Variants in HECTD4 observed in about 807,000 individuals in gnomAD.
The protein encoded by HECTD4 is probable E3 ubiquitin-protein ligase HECTD4.
HECTD4 carries 114 observed loss-of-function variants against 471.5 expected under a neutral mutation model. That is an observed-to-expected ratio of 0.24 (90% CI 0.21 to 0.28). The LOEUF (loss-of-function observed/expected upper bound fraction) is 0.28, where lower values mean the gene tolerates loss of function less well. Among genes scored for constraint, HECTD4 ranks in the 10% least tolerant of loss-of-function variants. The pLI is 1.00. For missense variants in HECTD4, 3,866 were observed against 5,651.5 expected (o/e 0.68, Z 10.13); for synonymous variants, 2,012 against 2,256.0 (o/e 0.89, Z 3.07).
At position 112,179,265 on chromosome 12, in the gene HECTD4, T is replaced by C; in HGVS notation, c.11120A>G (p.Gln3707Arg). 1 of 1,613,696 alleles carries C rather than the reference T, an allele frequency of 6.2e-7. No homozygotes were observed. The highest frequency in any genetic ancestry group is 8.5e-7 in the Non-Finnish European group (1 of 1,179,772). The change falls in exon 63 of 76, where the codon CAG becomes CGG. Residue 3707 changes from glutamine (Q) to arginine (R), a missense_variant. Physicochemically the swap from Gln to Arg is conservative, Grantham distance 43 (BLOSUM62 1). Around this residue, in one of 16 missense-constraint regions of HECTD4, gnomAD observed 715 missense variants for 1,087.6 expected, o/e 0.66. Transcript: ENST00000682272. This position sits in a 1 kb window ranked among gnomAD's most constrained non-coding sequence, Gnocchi z 4.3. Reference protein sequence around the residue: ...RVSDIYLSKEQINSQTPGNLL... With the variant: ...RVSDIYLSKERINSQTPGNLL... Reference sequence around the variant, plus strand: ...GTTGCCTGGGGTCTGGGAGTTGATCTGCTCTTTGCTAAGATAAATGTCAGA... The same window carrying C: ...GTTGCCTGGGGTCTGGGAGTTGATCCGCTCTTTGCTAAGATAAATGTCAGA...
chr12:112,261,488 T>C (rs1382332717), intron 17 of HECTD4, 59 bp from the exon 18 acceptor site: 2 of 1,458,646 alleles, frequency 1.4e-6, no homozygotes, highest in Admixed American at 1.8e-5. Context: ...ACGTTCACAA[T>C]GACAACATGA....
intron 8 of HECTD4, among the ~76,000 whole-genome samples, chr12:112,280,343 T>A (rs950321610): frequency 6.6e-6 from 1 of 152,150 alleles, no homozygotes; most frequent in African/African-American, 2.4e-5. Context: ...ATCTAGAAAG[T>A]GGAGTGAATT....
intron 1 of HECTD4, among the ~76,000 whole-genome samples, chr12:112,373,352 G>A (rs2036718679): frequency 6.6e-6 from 1 of 152,086 alleles, no homozygotes; most frequent in South Asian, 2.1e-4. Flanking sequence ...GGCCAACATG[G>A]TGAAACCCCG....
rs757618230 is a variant in HECTD4 at position 112,229,885 on chromosome 12, A to G, written c.6337-5T>C. 9.3e-6 allele frequency: 15 copies of G among 1,610,398 alleles called. No individual in the cohort carries two copies. In the East Asian group the frequency reaches 3.3e-4, roughly 36 times the overall value. On this transcript the variant is annotated splice_polypyrimidine_tract_variant and splice_region_variant and intron_variant, in intron 40 of 75. Transcript: ENST00000682272. ...CATCAGTGCTCTAGACAGAACCTAA[A>G]TATAGAAGCAGCCCGTGCACTAGGA...
intron 53 of HECTD4, 63 bp downstream of exon 53, chr12:112,204,423 A>T: frequency 6.7e-7 from 1 of 1,485,842 alleles, no homozygotes; most frequent in South Asian, 1.2e-5. Flanking sequence ...GTGCACATTA[A>T]GGAAAATTCA....
In HECTD4 at chr12:112,179,423, A is replaced by G. The variant is rs371303986; in HGVS notation, c.10988-26T>C. The G allele has an allele frequency of 1.2e-5, 19 of 1,579,238 alleles. No individual in the cohort carries two copies. The African/African-American group carries it at 2.2e-4, about 18-fold the overall frequency. The stretch of plus-strand genomic sequence containing the variant: ...CTGTTGGATGGAGAGGGGGCAAAAC[A>G]ATTCTGCCGTGAACATGCATCGGGA... On this transcript the variant is annotated intron_variant, in intron 62 of 75. Coordinates refer to ENST00000682272, the MANE Select transcript of HECTD4 (RefSeq NM_001388303.1). This position sits in a 1 kb window ranked among gnomAD's most constrained non-coding sequence, Gnocchi z 4.3.
In HECTD4 at chr12:112,179,121, G is replaced by C. The variant is rs762494555; in HGVS notation, c.11212-39C>G. On this transcript the variant is annotated intron_variant, in intron 63 of 75. Transcript: ENST00000682272. The surrounding 1 kb of genome is among the most constrained non-coding windows in gnomAD (Gnocchi z 4.3). Reference sequence around the variant, plus strand: ...AGGCAGCGGGGAGGCTCTCAGGTTCGCCCTGCAGGGCACCCAAGGCCCGGC... The same window carrying C: ...AGGCAGCGGGGAGGCTCTCAGGTTCCCCCTGCAGGGCACCCAAGGCCCGGC... 2 of 1,613,494 alleles carry C rather than the reference G, an allele frequency of 1.2e-6. No homozygotes were observed. The highest frequency in any genetic ancestry group is 1.7e-6 in the Non-Finnish European group (2 of 1,179,802).
At position 112,217,162 on chromosome 12, in the gene HECTD4, A is replaced by G; in HGVS notation, c.7108T>C (p.Phe2370Leu). The G allele has an allele frequency of 1.3e-6, 2 of 1,547,006 alleles. No homozygotes were observed. Among genetic ancestry groups the G allele is most frequent in the Non-Finnish European group, 1.7e-6 (2 of 1,147,476 alleles). Residue 2370 changes from phenylalanine to leucine, a missense_variant, in exon 46 of 76, where the codon TTT becomes CTT. Transcript: ENST00000682272. ...AACATGCAGGCTCGAACAGGCGGAA[A>G]CACTCGCGAGGGGCTCCAAGTAATC... is the stretch of plus-strand genomic sequence containing the variant. Reference protein sequence around the residue: ...KEITWSPSRVFPPVRACMFSS... With the variant: ...KEITWSPSRVLPPVRACMFSS...
chr12:112,209,634 A>G (rs1012470921), intron 50 of HECTD4, among the ~76,000 whole-genome samples: 1 of 152,170 alleles, frequency 6.6e-6, no homozygotes, highest in Non-Finnish European at 1.5e-5. Context: ...CCATCATAAA[A>G]GTTTTTAGTG....
chr12:112,320,103 G>A (rs1396848163), intron 1 of HECTD4, among the ~76,000 whole-genome samples: 1 of 152,152 alleles, frequency 6.6e-6, no homozygotes, highest in African/African-American at 2.4e-5. Context: ...GGGAGGCTGA[G>A]GTGGGTGGAT....
intron 9 of HECTD4, among the ~76,000 whole-genome samples, chr12:112,278,405 C>G (rs539338492): frequency 1.3e-5 from 2 of 152,126 alleles, no homozygotes; most frequent in Non-Finnish European, 2.9e-5. Flanking sequence ...ATACTTTATC[C>G]CATTTAACTA....
chr12:112,231,936 C>T (rs77894076), intron 38 of HECTD4, among the ~76,000 whole-genome samples: 8,323 of 152,120 alleles, frequency 0.055, 292 homozygotes, highest in Middle Eastern at 0.15. Flanking sequence ...CAAATTCTGG[C>T]ATACGTATCA....
chr12:112,272,387 C>A (rs796323906), intron 11 of HECTD4, among the ~76,000 whole-genome samples: 2 of 152,122 alleles, frequency 1.3e-5, no homozygotes, highest in African/African-American at 2.4e-5. Context: ...TCTTTTTCAG[C>A]CTGGCTTCCT....
At chr12:112,192,832 G>C in intron 58 of HECTD4, 67 bp from the exon 59 acceptor site, 1 of 1,373,592 alleles carries the variant, frequency 7.3e-7, no homozygotes, top group East Asian at 2.5e-5. Flanking sequence ...AGGCAGCTTT[G>C]CCTTCTCACC....
At position 112,319,937 on chromosome 12, in the gene HECTD4, C is replaced by T. The variant is rs983693902; in HGVS notation, c.178-195G>A. On this transcript the variant is annotated intron_variant, in intron 1 of 75. Transcript: ENST00000682272. This position sits in a 1 kb window ranked among gnomAD's most constrained non-coding sequence, Gnocchi z 5.3. ...TCCCCTTTTGGCTTTTCTGTTAATGCTTCCATGAAAATTGGGATTAGACCT... is the reference window on the plus strand; with the variant it reads ...TCCCCTTTTGGCTTTTCTGTTAATGTTTCCATGAAAATTGGGATTAGACCT... 6.6e-6 allele frequency among the ~76,000 whole-genome samples: 1 copy of T among 152,192 alleles called. No homozygotes were observed. The highest frequency in any genetic ancestry group is 6.5e-5 in the Admixed American group (1 of 15,274).
chr12:112,333,508 A>C (rs933344931), intron 1 of HECTD4, among the ~76,000 whole-genome samples: 2 of 152,124 alleles, frequency 1.3e-5, no homozygotes, highest in African/African-American at 4.8e-5. Context: ...TCTTCTTTAG[A>C]AAAAAAATTA....
chr12:112,339,916 G>A (rs1426968808), intron 1 of HECTD4, among the ~76,000 whole-genome samples: 3 of 152,034 alleles, frequency 2.0e-5, no homozygotes, highest in Non-Finnish European at 4.4e-5. Context: ...AGTCATGGTG[G>A]TACACACCTG....
chr12:112,316,134 T>C (rs2035473447), intron 2 of HECTD4, among the ~76,000 whole-genome samples: 1 of 152,112 alleles, frequency 6.6e-6, no homozygotes, highest in South Asian at 2.1e-4. Flanking sequence ...GCCCCTCTCC[T>C]TCTACTATCA....
intron 64 of HECTD4, among the ~76,000 whole-genome samples, chr12:112,178,586 G>A (rs2031547384): frequency 6.6e-6 from 1 of 152,206 alleles, no homozygotes; most frequent in Admixed American, 6.5e-5. Flanking sequence ...CCTCGGCACT[G>A]TGGGAGGCCA....
Sources: gnomAD v4.1 joint callset for allele counts (sites outside exome capture counted in the v4.1 genomes callset) on GRCh38, gnomAD v4.1.1 for gene constraint, gnomAD v4.1.1 regional missense constraint, Gnocchi (gnomAD v3.1) non-coding constraint, MANE v1.5 for transcripts, NCBI Gene and HGNC (gene_info 2026-07-23, HGNC 2026-07-21) for gene names.